Variants in ZFP91 observed in about 807,000 individuals in gnomAD.
ZFP91 encodes the protein ZFP91 zinc finger protein, atypical E3 ubiquitin ligase.
A neutral mutation model predicts 63.5 loss-of-function variants in ZFP91; 7 were observed. The observed-to-expected ratio is 0.11, with a 90% CI of 0.06 to 0.21. The LOEUF (loss-of-function observed/expected upper bound fraction) is 0.21, where lower values mean the gene tolerates loss of function less well. Ranked by LOEUF, ZFP91 falls within the 10% of genes least tolerant of loss-of-function variation. The probability of loss-of-function intolerance (pLI) is 1.00; values close to 1 mark genes in which losing one functional copy is unlikely to be tolerated. For synonymous variants in ZFP91, 330 were observed against 272.1 expected (o/e 1.21, Z -2.10); for missense variants, 628 against 736.6 (o/e 0.85, Z 1.71).
chr11:58,614,216 T>C lies in ZFP91; in HGVS notation c.988-13T>C. The C allele has an allele frequency of 6.5e-7, 1 of 1,538,652 alleles. No individual in the cohort carries two copies. The highest frequency in any genetic ancestry group is 2.3e-5 in the East Asian group (1 of 43,670). On this transcript the variant is annotated splice_polypyrimidine_tract_variant and intron_variant, in intron 8 of 10. Coordinates refer to ENST00000316059, the MANE Select transcript of ZFP91 (RefSeq NM_053023.5). ...TTTTTTTTTTTTCGCCCCTTTCACTTTCTCTGTTTTAGCACCACATTAAAT... is the reference window on the plus strand; with the variant it reads ...TTTTTTTTTTTTCGCCCCTTTCACTCTCTCTGTTTTAGCACCACATTAAAT...
rs899231977 is a variant in ZFP91 at position 58,620,136 on chromosome 11, G to A, written c.*2430G>A. On this transcript the variant is annotated 3_prime_UTR_variant, in exon 11 of 11. Transcript: ENST00000316059. ...CTGTACTTTTTCTTTTCTTTTAGGG[G>A]TCAAGGACCCTCTTTATAGCTACCA... 2 of 152,146 alleles carry A rather than the reference G, an allele frequency of 1.3e-5. No homozygotes were observed. Among genetic ancestry groups the A allele is most frequent in the East Asian group, 3.8e-4 (2 of 5,200 alleles). 9.4% of individuals were successfully genotyped at this position (152,146 alleles called of 1,614,324 possible).
At position 58,617,199 on chromosome 11, in the gene ZFP91, T is replaced by C. The variant is rs1855764251; in HGVS notation, c.1206T>C (p.Cys402=). The C allele has an allele frequency of 6.3e-7, 1 of 1,585,004 alleles. No homozygotes were observed. The change falls in exon 11 of 11, where the codon TGT becomes TGC. Residue 402 remains cysteine, a synonymous_variant. Transcript: ENST00000316059. The surrounding 1 kb of genome is among the most constrained non-coding windows in gnomAD (Gnocchi z 4.2). ...MIHTGEKPLQ[C]EICGFTCRQK... Reference sequence around the variant, plus strand: ...TTTCCTTTTCTCCTCTCCTTAGATGTGAGATCTGTGGATTTACTTGTCGAC... The same window carrying C: ...TTTCCTTTTCTCCTCTCCTTAGATGCGAGATCTGTGGATTTACTTGTCGAC...
chr11:58,589,244 T>C (rs1486746217), intron 2 of ZFP91, among the ~76,000 whole-genome samples: 1 of 152,116 alleles, frequency 6.6e-6, no homozygotes, highest in Non-Finnish European at 1.5e-5. Flanking sequence ...GCTAATTGTT[T>C]TTGATTTTTT....
At chr11:58,592,532 T>C (rs765319575) in intron 2 of ZFP91, among the ~76,000 whole-genome samples, 2 of 152,194 alleles carry the variant, frequency 1.3e-5, no homozygotes, top group Non-Finnish European at 2.9e-5. Context: ...CGTGACAACG[T>C]GGGTGGAACC....
intron 6 of ZFP91, 28 bp downstream of exon 6, chr11:58,611,766 A>C (rs766670582): frequency 6.3e-7 from 1 of 1,580,632 alleles, no homozygotes; most frequent in Non-Finnish European, 8.6e-7. Context: ...AAAAATGAAA[A>C]TCTAACAGAT....
intron 7 of ZFP91, 86 bp downstream of exon 7, chr11:58,612,414 C>T: frequency 1.5e-6 from 2 of 1,363,534 alleles, no homozygotes; most frequent in South Asian, 1.3e-5. Flanking sequence ...GATAATCCTG[C>T]AGGAATGGCT....
At chr11:58,596,603 T>C (rs1331321582) in intron 2 of ZFP91, among the ~76,000 whole-genome samples, 2 of 152,184 alleles carry the variant, frequency 1.3e-5, no homozygotes, top group African/African-American at 4.8e-5. Context: ...ATCTTCATCA[T>C]GTCATCTTGT....
At position 58,620,115 on chromosome 11, in the gene ZFP91, ACTTTTT is replaced by A. The variant is rs1011783024; in HGVS notation, c.*2415_*2420del. 2 of 152,238 alleles carry A rather than the reference ACTTTTT, an allele frequency of 1.3e-5. No individual in the cohort carries two copies. The highest frequency in any genetic ancestry group is 1.3e-4 in the Admixed American group (2 of 15,282). The allele number at this position is 152,238 out of a possible 1,614,324, so 9.4% of individuals were successfully genotyped here. On this transcript the variant is annotated 3_prime_UTR_variant, in exon 11 of 11. Coordinates refer to ENST00000316059, the MANE Select transcript of ZFP91 (RefSeq NM_053023.5). ...GTTCTACTAATTAGAAACTTGCTGT[ACTTTTT>A]CTTTTCTTTTAGGGGTCAAGGACCC...
Position 58,604,239 on chromosome 11 carries a change from A to G in ZFP91, c.371-5591A>G, listed in dbSNP as rs146123417. ...TATAATGGAGTTATTCTGTATTACA[A>G]TGGGCCCTAATCCACTATGACTGAT... On this transcript the variant is annotated intron_variant, in intron 2 of 10. Transcript: ENST00000316059. Among the ~76,000 whole-genome samples the G allele has an allele frequency of 8.5e-5, 13 of 152,296 alleles. 1 individual carries two copies. Among genetic ancestry groups the G allele is most frequent in the South Asian group, 4.1e-4 (2 of 4,824 alleles).
At chr11:58,598,962 C>A (rs1480437619) in intron 2 of ZFP91, among the ~76,000 whole-genome samples, 2 of 152,014 alleles carry the variant, frequency 1.3e-5, no homozygotes, top group African/African-American at 4.8e-5. Context: ...GTTATTCCCC[C>A]TTCCCTCCTG....
chr11:58,597,047 G>A (rs1319240216), intron 2 of ZFP91, among the ~76,000 whole-genome samples: 1 of 152,018 alleles, frequency 6.6e-6, no homozygotes, highest in Non-Finnish European at 1.5e-5. Context: ...AGGTAACCAG[G>A]GGCATTGTCC....
At chr11:58,594,607 A>G (rs148551873) in intron 2 of ZFP91, among the ~76,000 whole-genome samples, 19 of 152,254 alleles carry the variant, frequency 1.2e-4, no homozygotes, top group Admixed American at 1.2e-3. Flanking sequence ...AAAGCCTAAT[A>G]TTTTTTATCC....
intron 2 of ZFP91, among the ~76,000 whole-genome samples, chr11:58,592,523 G>A (rs183976704): frequency 5.3e-5 from 8 of 152,226 alleles, no homozygotes; most frequent in African/African-American, 1.4e-4. Flanking sequence ...TCTGTCATTC[G>A]TGACAACGTG....
chr11:58,609,253 A>G (rs912672388), intron 2 of ZFP91, among the ~76,000 whole-genome samples: 3 of 152,220 alleles, frequency 2.0e-5, no homozygotes, highest in Admixed American at 1.3e-4. Flanking sequence ...CCTGTACACA[A>G]TGTCTTATAG....
intron 5 of ZFP91, chr11:58,611,401 G>T: frequency 1.6e-6 from 1 of 638,356 alleles, no homozygotes; most frequent in Non-Finnish European, 2.6e-6. Flanking sequence ...CTTTAGTCTG[G>T]GGAGGGTTCA....
chr11:58,614,382 T>C (rs756768181), intron 9 of ZFP91, 39 bp downstream of exon 9: 2 of 1,420,684 alleles, frequency 1.4e-6, no homozygotes, highest in South Asian at 1.3e-5. Context: ...GTAATTGCAC[T>C]GTGCTTTAGT....
intron 2 of ZFP91, among the ~76,000 whole-genome samples, chr11:58,590,875 G>A (rs7102852): frequency 0.2 from 30,074 of 150,574 alleles, 3,192 homozygotes; most frequent in Middle Eastern, 0.31. Context: ...TTATTTAACC[G>A]TTACCTAACT....
intron 7 of ZFP91, 142 bp downstream of exon 7, chr11:58,612,470 C>T: frequency 1.4e-6 from 1 of 739,082 alleles, no homozygotes; most frequent in Non-Finnish European, 2.2e-6. Context: ...CCTAGATGCA[C>T]AGGTGTTATG....
chr11:58,589,428 A>T (rs923724495), intron 2 of ZFP91, among the ~76,000 whole-genome samples: 3 of 152,140 alleles, frequency 2.0e-5, no homozygotes, highest in African/African-American at 7.2e-5. Flanking sequence ...ATTTAAATGT[A>T]AGTTAAAAAC....
Sources: allele counts gnomAD v4.1 joint callset (sites outside exome capture counted in the v4.1 genomes callset), GRCh38; gene constraint gnomAD v4.1.1; non-coding constraint Gnocchi (gnomAD v3.1); transcripts MANE v1.5; gene names NCBI Gene and HGNC (gene_info 2026-07-23, HGNC 2026-07-21).